Variants in COBL observed in about 807,000 individuals in gnomAD.
The protein encoded by COBL is cordon-bleu WH2 repeat protein, also known as protein cordon-bleu.
In COBL, 51 loss-of-function variants were observed where a neutral mutation model predicts 98.8. That is an observed-to-expected ratio of 0.52 (90% CI 0.41 to 0.65). COBL has a LOEUF of 0.65. COBL is among the 30% of genes least tolerant of loss of function. COBL has a pLI of 0.00. For synonymous variants in COBL, 634 were observed against 651.7 expected, an observed-to-expected ratio of 0.97 and a Z score of 0.41; for missense variants, 1,617 against 1,617.5, an observed-to-expected ratio of 1.00 and a Z score of 0.01.
rs371941442 is a variant in COBL at position 51,207,238 on chromosome 7, T to C, written c.245+12503A>G. 8.6e-5 allele frequency among the ~76,000 whole-genome samples: 10 copies of C among 116,852 alleles called. No individual in the cohort carries two copies. The East Asian group carries it at 2.0e-3, about 24-fold the overall frequency. The allele number at this position is 116,852 out of a possible 152,430, so 76.7% of individuals were successfully genotyped here. A position where few individuals can be genotyped will look rare whatever the true frequency, so the allele number is the denominator to read the frequency against. ...CAATAGGTACTTGGTACAGCGGACA[T>C]TTTTTTTTTTTTTTGGTTAAGGAAA... On this transcript the variant is annotated intron_variant, in intron 2 of 12. Coordinates refer to ENST00000265136, the MANE Select transcript of COBL (RefSeq NM_015198.5).
intron 5 of COBL, 81 bp downstream of exon 5, chr7:51,184,019 TTC>T: frequency 1.5e-6 from 1 of 656,990 alleles, no homozygotes; most frequent in African/African-American, 1.9e-5. Context: ...TTTAGAAAAG[TTC>T]CAGGACAGGT....
intron 6 of COBL, among the ~76,000 whole-genome samples, chr7:51,104,275 A>G (rs6961494): frequency 0.4 from 60,234 of 152,144 alleles, 12,122 homozygotes; most frequent in East Asian, 0.56. Flanking sequence ...AATCTTTTAC[A>G]TGATGATTAT....
chr7:51,198,090 G>A (rs1790762910), intron 2 of COBL, among the ~76,000 whole-genome samples: 1 of 152,160 alleles, frequency 6.6e-6, no homozygotes, highest in Admixed American at 6.6e-5. Context: ...GACTTGTTTA[G>A]TGGTTGCTTT....
chr7:51,203,321 G>T lies in COBL; in HGVS notation c.246-9732C>A, dbSNP rs1791329826. On this transcript the variant is annotated intron_variant, in intron 2 of 12. Coordinates refer to ENST00000265136, the MANE Select transcript of COBL (RefSeq NM_015198.5). ...ACTAAAAATACAAAAAATTAGCCGG[G>T]TGTAGTGGCGGGCGCCTGTAGTCCC... is the stretch of plus-strand genomic sequence containing the variant. 1.6e-5 allele frequency among the ~76,000 whole-genome samples: 2 copies of T among 128,624 alleles called. 1 individual carries two copies. The highest frequency in any genetic ancestry group is 5.7e-4 in the South Asian group (2 of 3,514). 84.4% of individuals were successfully genotyped at this position (128,624 alleles called of 152,430 possible). A position where few individuals can be genotyped will look rare whatever the true frequency, so the allele number is the denominator to read the frequency against.
intron 2 of COBL, among the ~76,000 whole-genome samples, chr7:51,213,421 T>C (rs1026927994): frequency 1.3e-5 from 2 of 152,174 alleles, no homozygotes; most frequent in African/African-American, 2.4e-5. Flanking sequence ...ATACACATAA[T>C]GCGCTTGAAT....
At chr7:51,101,573 C>T (rs963397352) in intron 6 of COBL, among the ~76,000 whole-genome samples, 8 of 152,290 alleles carry the variant, frequency 5.3e-5, no homozygotes, top group Middle Eastern at 3.4e-3. Context: ...CAGCCTCAGG[C>T]TGATAGGTCA....
At chr7:51,124,989 T>C (rs1345232531) in intron 6 of COBL, among the ~76,000 whole-genome samples, 4 of 152,128 alleles carry the variant, frequency 2.6e-5, no homozygotes, top group Admixed American at 2.6e-4. Context: ...TTTCTTCGTA[T>C]TTTTAGTAGA....
chr7:51,286,710 A>T (rs1306001856), intron 1 of COBL, among the ~76,000 whole-genome samples: 1 of 152,236 alleles, frequency 6.6e-6, no homozygotes, highest in Non-Finnish European at 1.5e-5. Context: ...AGATTTCTCA[A>T]AGAACTTAAG....
intron 6 of COBL, among the ~76,000 whole-genome samples, chr7:51,094,472 T>C (rs943858168): frequency 7.9e-5 from 12 of 152,124 alleles, no homozygotes; most frequent in Non-Finnish European, 1.6e-4. Flanking sequence ...AAAAATCACA[T>C]TGTACCCCAT....
chr7:51,122,893 C>T (rs994167145), intron 6 of COBL, among the ~76,000 whole-genome samples: 10 of 151,770 alleles, frequency 6.6e-5, no homozygotes, highest in African/African-American at 2.2e-4. Flanking sequence ...GCAGGAGAAT[C>T]GCTTGAACCC....
chr7:51,246,988 C>G (rs1285426618), intron 1 of COBL, among the ~76,000 whole-genome samples: 1 of 152,242 alleles, frequency 6.6e-6, no homozygotes, highest in Non-Finnish European at 1.5e-5. Flanking sequence ...ATAGCCAACA[C>G]AGATGCAGCC....
At chr7:51,030,642 A>T (rs773873009) in intron 9 of COBL, among the ~76,000 whole-genome samples, 170 bp downstream of exon 9, 8 of 152,222 alleles carry the variant, frequency 5.3e-5, no homozygotes, top group Non-Finnish European at 7.3e-5. Context: ...AAAGCAGTCT[A>T]CCGGAAACCT....
chr7:51,294,335 T>C (rs992559860), intron 1 of COBL, among the ~76,000 whole-genome samples: 1 of 133,050 alleles, frequency 7.5e-6, no homozygotes, highest in Non-Finnish European at 1.6e-5. Flanking sequence ...TAAATAAAAA[T>C]AAATAAATAA....
At chr7:51,186,318 T>C (rs1350049211) in intron 4 of COBL, among the ~76,000 whole-genome samples, 1 of 152,154 alleles carries the variant, frequency 6.6e-6, no homozygotes, top group Non-Finnish European at 1.5e-5. Context: ...TCCAGGAGCA[T>C]ATTGAATGCA....
At chr7:51,233,556 G>A (rs550824167) in intron 1 of COBL, among the ~76,000 whole-genome samples, 1 of 152,298 alleles carries the variant, frequency 6.6e-6, no homozygotes, top group South Asian at 2.1e-4. Context: ...CGCTCTGAAA[G>A]GCATCTCTGC....
intron 5 of COBL, among the ~76,000 whole-genome samples, chr7:51,157,120 T>C (rs1052192594): frequency 1.3e-5 from 2 of 152,180 alleles, no homozygotes; most frequent in East Asian, 1.9e-4. Flanking sequence ...CCTGTAATCC[T>C]AGCGCTTTGA....
intron 1 of COBL, among the ~76,000 whole-genome samples, chr7:51,308,000 T>G (rs2129213090): frequency 6.6e-6 from 1 of 152,278 alleles, no homozygotes; most frequent in Admixed American, 6.5e-5. Context: ...GGAAGGAAGT[T>G]TTCAGTTCCA....
At chr7:51,020,216 T>A (rs1350912190) in intron 12 of COBL, among the ~76,000 whole-genome samples, 1 of 152,326 alleles carries the variant, frequency 6.6e-6, no homozygotes, top group East Asian at 1.9e-4. Context: ...TTTTCGCACC[T>A]GTCAAAGGGG....
intron 5 of COBL, chr7:51,156,576 A>G: frequency 1.0e-6 from 1 of 985,270 alleles, no homozygotes; most frequent in Non-Finnish European, 1.2e-6. Flanking sequence ...CCAAGCAAAT[A>G]AAAGAATTCT....
Sources: gnomAD v4.1 joint callset for allele counts (sites outside exome capture counted in the v4.1 genomes callset) on GRCh38, gnomAD v4.1.1 for gene constraint, MANE v1.5 for transcripts, NCBI Gene and HGNC (gene_info 2026-07-23, HGNC 2026-07-21) for gene names.